ZNF208: variants seen among roughly 807,000 people sequenced by gnomAD.
ZNF208 encodes zinc finger protein 95.
Under a neutral mutation model 12.1 loss-of-function variants are expected in ZNF208, and 10 were observed. That is an observed-to-expected ratio of 0.83 (90% CI 0.51 to 1.40). The LOEUF (loss-of-function observed/expected upper bound fraction) is 1.40, where lower values mean the gene tolerates loss of function less well. ZNF208 is among the 40% of genes most tolerant of loss of function. The pLI is 0.00. For synonymous variants in ZNF208, 497 were observed against 488.4 expected, an observed-to-expected ratio of 1.02 and a Z score of -0.23; for missense variants, 1,652 against 1,485.0, an observed-to-expected ratio of 1.11 and a Z score of -1.85.
At chr19:21,949,445 C>A (rs1329636743) in intron 4 of ZNF208, among the ~76,000 whole-genome samples, 1 of 152,132 alleles carries the variant, frequency 6.6e-6, no homozygotes, top group Non-Finnish European at 1.5e-5. Flanking sequence ...CTTTTCCTTT[C>A]CCAAACTCAT....
rs190932385 is a variant in ZNF208 at position 21,957,832 on chromosome 19, A to T, written c.305+16897T>A. 7.7e-3 allele frequency among the ~76,000 whole-genome samples: 1,171 copies of T among 151,818 alleles called. 8 individuals carry two copies. The highest frequency in any genetic ancestry group is 0.026 in the African/African-American group (1,097 of 41,456). On this transcript the variant is annotated intron_variant, in intron 4 of 4. Transcript: ENST00000599916. The stretch of plus-strand genomic sequence containing the variant: ...GTAGCTTTTTTTTAAATTTTATTTT[A>T]TTTTATTTTATTATTATTATACTTT...
chr19:21,971,647 A>T lies in ZNF208; in HGVS notation c.3387T>A (p.Thr1129=), dbSNP rs879163370. Residue 1129 remains threonine (T), a synonymous_variant, in exon 4 of 4, where the codon ACT becomes ACA. Coordinates refer to ENST00000397126, the MANE Select transcript of ZNF208 (RefSeq NM_007153.3). ...CTCCAGTATGAATTACCTTATGTTT[A>T]GTAAGGATTGAGAACGTACTAAAGC... ...GKSFSTFSIL[T]KHKVIHTGEK... 6.2e-7 allele frequency: 1 copy of T among 1,612,930 alleles called. No individual in the cohort carries two copies. The highest frequency in any genetic ancestry group is 1.1e-5 in the South Asian group (1 of 91,006).
downstream of ZNF208, among the ~76,000 whole-genome samples, chr19:21,963,242 C>A (rs1390316167): frequency 2.6e-5 from 4 of 152,014 alleles, no homozygotes; most frequent in Non-Finnish European, 5.9e-5. Flanking sequence ...AAATAAAATT[C>A]TTAACCAAGA....
chr19:22,007,447 C>G (rs758999003), intron 1 of ZNF208, among the ~76,000 whole-genome samples: 108 of 131,372 alleles, frequency 8.2e-4, no homozygotes, highest in Non-Finnish European at 1.3e-3. Context: ...GGAGGAGGAG[C>G]TTGCAGTGAG....
chr19:22,000,224 A>G (rs1185685611), intron 1 of ZNF208, among the ~76,000 whole-genome samples: 2 of 152,244 alleles, frequency 1.3e-5, no homozygotes, highest in African/African-American at 4.8e-5. Context: ...AGACATCTAC[A>G]GAACTCTTCA....
rs1970418971 is a variant in ZNF208, at chr19:21,975,800, A to G, written c.227-993T>C. Among the ~76,000 whole-genome samples, 3 of 148,156 alleles carry G rather than the reference A, an allele frequency of 2.0e-5. No homozygotes were observed. The South Asian group carries it at 6.5e-4, about 32-fold the overall frequency. On this transcript the variant is annotated intron_variant, in intron 3 of 3. Transcript: ENST00000397126. Reference sequence around the variant, plus strand: ...ACAAAAGATTTGCAGTCCAGAAGAAAACTGTGTGATATAGTCAAAGTCCAA... The same window carrying G: ...ACAAAAGATTTGCAGTCCAGAAGAAGACTGTGTGATATAGTCAAAGTCCAA...
chr19:21,949,648 T>C (rs1969862368), intron 4 of ZNF208, among the ~76,000 whole-genome samples: 1 of 152,126 alleles, frequency 6.6e-6, no homozygotes, highest in Non-Finnish European at 1.5e-5. Flanking sequence ...CCCTCAGTCT[T>C]CCCATAAGGA....
Position 21,973,024 on chromosome 19 carries a change from A to G in ZNF208, c.2010T>C (p.Cys670=), listed in dbSNP as rs1331453809. 5 of 1,613,446 alleles carry G rather than the reference A, an allele frequency of 3.1e-6. No individual in the cohort carries two copies. The highest frequency in any genetic ancestry group is 3.4e-6 in the Non-Finnish European group (4 of 1,179,848). Residue 670 remains cysteine, a synonymous_variant, in exon 4 of 4, where the codon TGT becomes TGC. Coordinates refer to ENST00000397126, the MANE Select transcript of ZNF208 (RefSeq NM_007153.3). Reference sequence around the variant, plus strand: ...TTGAGAACTTACTAAAGGCTTTGCCACATTCTTTACATTTGTAGGGCTTCT... The same window carrying G: ...TTGAGAACTTACTAAAGGCTTTGCCGCATTCTTTACATTTGTAGGGCTTCT... ...AGEKPYKCKE[C]GKAFSKFSIL...
downstream of ZNF208, among the ~76,000 whole-genome samples, chr19:21,963,643 T>C (rs1380534345): frequency 6.6e-6 from 1 of 152,092 alleles, no homozygotes; most frequent in Non-Finnish European, 1.5e-5. Context: ...AGACACTTAT[T>C]GAATCTAGTC....
chr19:21,968,279 AT>A lies in ZNF208; in HGVS notation c.*2911del. On this transcript the variant is annotated 3_prime_UTR_variant, in exon 4 of 4. Transcript: ENST00000397126. ...AGGACTGTTTAGAATGGATATTCTT[AT>A]TTTTATTCTCATGGAGAATGCTTCC... The A allele has an allele frequency of 6.6e-6, 1 of 152,002 alleles. No individual in the cohort carries two copies. The allele number at this position is 152,002 out of a possible 1,614,324, so 9.4% of individuals were successfully genotyped here.
rs768420033 is a variant in ZNF208 at position 21,973,742 on chromosome 19, C to T, written c.1292G>A (p.Gly431Asp). The T allele has an allele frequency of 7.4e-6, 12 of 1,612,616 alleles. No homozygotes were observed. Among genetic ancestry groups the T allele is most frequent in the Admixed American group, 1.7e-5 (1 of 59,820 alleles). ...GTTTGAGGACCAGTTGAAAGCTTTGCCACATTCTTCACATTTGTAGGGTTT... is the reference window on the plus strand; with the variant it reads ...GTTTGAGGACCAGTTGAAAGCTTTGTCACATTCTTCACATTTGTAGGGTTT... The part of the protein sequence containing the change: ...GEKPYKCEEC[G>D]KAFNWSSNLM... Residue 431 changes from glycine (G) to aspartate (D), a missense_variant, in exon 4 of 4, where the codon GGC (glycine) becomes GAC (aspartate). Around this residue, in one of 3 missense-constraint regions of ZNF208, gnomAD observed 1,239 missense variants for 1,086.2 expected, o/e 1.14. Transcript: ENST00000397126.
chr19:21,994,163 A>AT (rs1256027421), intron 1 of ZNF208, among the ~76,000 whole-genome samples: 1 of 152,196 alleles, frequency 6.6e-6, no homozygotes, highest in African/African-American at 2.4e-5. Context: ...ATTTAGATAC[A>AT]TTTTTATTGT....
At chr19:21,957,322 G>T (rs147687486) in intron 4 of ZNF208, among the ~76,000 whole-genome samples, 170 of 152,298 alleles carry the variant, frequency 1.1e-3, no homozygotes, top group Middle Eastern at 3.4e-3. Context: ...ACAGGCTTGA[G>T]GCACCATGCC....
intron 1 of ZNF208, among the ~76,000 whole-genome samples, chr19:21,995,271 T>C (rs1970813977): frequency 6.6e-6 from 1 of 152,190 alleles, no homozygotes; most frequent in South Asian, 2.1e-4. Context: ...TATTTTTTTA[T>C]GACTATATGA....
At chr19:21,946,371 G>A (rs1189885863) in intron 4 of ZNF208, among the ~76,000 whole-genome samples, 1 of 152,122 alleles carries the variant, frequency 6.6e-6, no homozygotes, top group Non-Finnish European at 1.5e-5. Context: ...CATTCTCTAA[G>A]ACAGCTCACA....
chr19:21,975,851 A>T (rs2106871), intron 3 of ZNF208, among the ~76,000 whole-genome samples: 1 of 91,880 alleles, frequency 1.1e-5, no homozygotes, highest in African/African-American at 4.6e-5. Context: ...AAAAAAAAAA[A>T]GCTATCAAGT....
In ZNF208 at chr19:21,951,383, A is replaced by T. The variant is rs181268032; in HGVS notation, c.306-18146T>A. Among the ~76,000 whole-genome samples, 3 of 152,354 alleles carry T rather than the reference A, an allele frequency of 2.0e-5. No homozygotes were observed. The East Asian group carries it at 5.8e-4, about 29-fold the overall frequency. On this transcript the variant is annotated intron_variant, in intron 4 of 4. Transcript: ENST00000599916. ...TATGCAACGTGTGTAAAAACAGTAA[A>T]ATTTTATAATAAAAAATTATAAGAA...
rs1247081762 is a variant in ZNF208 at position 21,973,250 on chromosome 19, A to C, written c.1784T>G (p.Ile595Ser). The C allele has an allele frequency of 1.2e-6, 2 of 1,611,196 alleles. No homozygotes were observed. The highest frequency in any genetic ancestry group is 1.3e-5 in the African/African-American group (1 of 74,398). Residue 595 changes from isoleucine to serine, a missense_variant, in exon 4 of 4, where the codon ATT becomes AGT. Coordinates refer to ENST00000397126, the MANE Select transcript of ZNF208 (RefSeq NM_007153.3). ...ATGAATTCTCTTATGTTTAATAAGA[A>C]TTGCAGATTGGTTAAAAGCTTTGCC... ...ECGKAFNQSA[I>S]LIKHKRIHTG...
chr19:21,946,406 C>T (rs1271494022), intron 4 of ZNF208, among the ~76,000 whole-genome samples: 4 of 152,170 alleles, frequency 2.6e-5, no homozygotes, highest in Non-Finnish European at 4.4e-5. Context: ...TTTTCCCATT[C>T]CAGTTTGTAA....
Sources: allele counts gnomAD v4.1 joint callset (sites outside exome capture counted in the v4.1 genomes callset), GRCh38; gene constraint gnomAD v4.1.1; regional missense constraint gnomAD v4.1.1; transcripts MANE v1.5; gene names NCBI Gene and HGNC (gene_info 2026-07-23, HGNC 2026-07-21).